DISC1: variants seen among roughly 807,000 people sequenced by gnomAD.
DISC1 encodes disrupted in schizophrenia 1 protein.
In DISC1, 57 loss-of-function variants were observed where a neutral mutation model predicts 84.5. The ratio of observed to expected loss-of-function variants is 0.67; its 90% CI spans 0.55 to 0.84. The LOEUF (loss-of-function observed/expected upper bound fraction) is 0.84, where lower values mean the gene tolerates loss of function less well. Ranked by LOEUF, DISC1 falls within the 40% of genes least tolerant of loss-of-function variation. The pLI is 0.00. For synonymous variants in DISC1, 411 were observed against 415.2 expected, an observed-to-expected ratio of 0.99 and a Z score of 0.12; for missense variants, 1,000 against 1,057.8, an observed-to-expected ratio of 0.95 and a Z score of 0.76.
rs1429278913 is a variant in DISC1, at chr1:231,905,814, T to C, written c.1982-53014T>C. On this transcript the variant is annotated intron_variant, in intron 9 of 12. Transcript: ENST00000439617. ...ATTCGATGGTAGTAGTCTATCATTA[T>C]TGATTTCCTGATTTTGATGGTTATA... 5.9e-5 allele frequency among the ~76,000 whole-genome samples: 9 copies of C among 152,198 alleles called. 1 individual carries two copies. The highest frequency in any genetic ancestry group is 4.4e-5 in the Non-Finnish European group (3 of 68,024).
At chr1:231,746,898 T>C (rs1284169522) in intron 3 of DISC1, among the ~76,000 whole-genome samples, 2 of 152,172 alleles carry the variant, frequency 1.3e-5, no homozygotes, top group African/African-American at 2.4e-5. Context: ...TCTCCCATTC[T>C]GTAGGTTGTC....
chr1:231,634,406 C>G (rs977452126), intron 1 of DISC1, among the ~76,000 whole-genome samples: 2 of 152,070 alleles, frequency 1.3e-5, no homozygotes, highest in African/African-American at 4.8e-5. Context: ...CTTAGAGTTG[C>G]AAGAGCTGTT....
At chr1:231,696,525 A>G (rs1020111664) in intron 2 of DISC1, among the ~76,000 whole-genome samples, 4 of 152,228 alleles carry the variant, frequency 2.6e-5, no homozygotes, top group Non-Finnish European at 5.9e-5. Context: ...ATTGTTGTCT[A>G]TGGCAGTCCC....
intron 1 of DISC1, among the ~76,000 whole-genome samples, chr1:231,633,767 G>A (rs1015952521): frequency 2.0e-5 from 3 of 152,130 alleles, no homozygotes; most frequent in Admixed American, 6.5e-5. Context: ...TTCACAGGTT[G>A]AAAGGTGAAA....
intron 4 of DISC1, among the ~76,000 whole-genome samples, chr1:231,754,730 T>TAC (rs918242776): frequency 5.3e-5 from 8 of 152,374 alleles, no homozygotes; most frequent in Admixed American, 5.2e-4. Context: ...TATATTAGGT[T>TAC]ACACCATAAG....
At chr1:231,993,877 T>C (rs753200024) in intron 10 of DISC1, among the ~76,000 whole-genome samples, 2 of 152,246 alleles carry the variant, frequency 1.3e-5, no homozygotes, top group Non-Finnish European at 2.9e-5. Context: ...TTGCTGGTGG[T>C]GTTCTCTTTC....
rs367627719 is a variant in DISC1 at position 231,693,921 on chromosome 1, G to C, written c.163G>C (p.Gly55Arg). ...GAGAAGCTCGACAGGGCCTGGGATC[G>C]GGTTCCTTTCCCCAGCAGTGGGCAC... The part of the protein sequence containing the change: ...YMRSSTGPGI[G>R]FLSPAVGTLF... The change falls in exon 2 of 13, where the codon GGG (glycine) becomes CGG (arginine). Residue 55 changes from glycine (G) to arginine (R), a missense_variant. Physicochemically the swap from Gly to Arg is moderately radical, Grantham distance 125 (BLOSUM62 -2). Coordinates refer to ENST00000439617, the MANE Select transcript of DISC1 (RefSeq NM_018662.3). 1.2e-6 allele frequency: 2 copies of C among 1,614,188 alleles called. No individual in the cohort carries two copies. The highest frequency in any genetic ancestry group is 2.2e-5 in the East Asian group (1 of 44,880).
intron 4 of DISC1, among the ~76,000 whole-genome samples, chr1:231,759,569 G>A (rs563347681): frequency 1.6e-4 from 24 of 147,480 alleles, no homozygotes; most frequent in African/African-American, 2.7e-4. Context: ...AGCCAAATGC[G>A]GTGGTGCGTA....
At chr1:232,008,671 GTCA>G in intron 10 of DISC1, 111 bp from the exon 11 acceptor site, 1 of 1,247,200 alleles carries the variant, frequency 8.0e-7, no homozygotes, top group South Asian at 1.7e-5. Flanking sequence ...GTGAAATTAA[GTCA>G]TCAAGTATAA....
chr1:231,820,139 T>A (rs1055994496), intron 9 of DISC1, among the ~76,000 whole-genome samples: 1 of 152,226 alleles, frequency 6.6e-6, no homozygotes, highest in Non-Finnish European at 1.5e-5. Context: ...AGCCACCCTT[T>A]CCCTATACAT....
Position 231,694,880 on chromosome 1 carries a change from G to A in DISC1, c.1047+75G>A, listed in dbSNP as rs183070884. 100 of 1,568,740 alleles carry A rather than the reference G, an allele frequency of 6.4e-5. No individual in the cohort carries two copies. In the East Asian group the frequency reaches 1.2e-3, roughly 19 times the overall value. ...TAGCACTGGGCAGACGGCAGGAAAC[G>A]AGGGGTTCTGGGCTCAACTGACTTC... On this transcript the variant is annotated intron_variant, in intron 2 of 12. Transcript: ENST00000439617.
At chr1:231,852,602 G>A (rs540908453) in intron 9 of DISC1, among the ~76,000 whole-genome samples, 2 of 152,366 alleles carry the variant, frequency 1.3e-5, no homozygotes, top group South Asian at 4.1e-4. Flanking sequence ...AGTCAGGGCA[G>A]GAGTGGCTAA....
At chr1:231,660,692 T>C (rs949681950) in intron 1 of DISC1, among the ~76,000 whole-genome samples, 6 of 152,126 alleles carry the variant, frequency 3.9e-5, no homozygotes, top group African/African-American at 1.4e-4. Flanking sequence ...TGACCTCAGG[T>C]GATTTGCCTG....
At chr1:231,904,522 A>G (rs1338599669) in intron 9 of DISC1, among the ~76,000 whole-genome samples, 4 of 152,202 alleles carry the variant, frequency 2.6e-5, no homozygotes, top group Admixed American at 2.6e-4. Context: ...CTGTGTTATG[A>G]GAGTAAAACT....
chr1:232,035,976 C>G (rs938640969), intron 12 of DISC1, among the ~76,000 whole-genome samples: 4 of 152,078 alleles, frequency 2.6e-5, no homozygotes, highest in Admixed American at 6.6e-5. Context: ...AACTAAGAGC[C>G]CAACAGCTTA....
intron 9 of DISC1, among the ~76,000 whole-genome samples, chr1:231,906,220 C>G (rs2088626863): frequency 6.6e-6 from 1 of 152,052 alleles, no homozygotes; most frequent in African/African-American, 2.4e-5. Context: ...TGGGGTCTCT[C>G]CATGTTGGTC....
intron 9 of DISC1, among the ~76,000 whole-genome samples, chr1:231,935,260 C>T (rs1264466830): frequency 6.6e-6 from 1 of 152,146 alleles, no homozygotes; most frequent in Non-Finnish European, 1.5e-5. Flanking sequence ...CCGCATTTTT[C>T]AGCACGGATT....
chr1:231,809,167 T>G (rs926971809), intron 8 of DISC1, among the ~76,000 whole-genome samples: 1 of 152,214 alleles, frequency 6.6e-6, no homozygotes, highest in East Asian at 1.9e-4. Context: ...CTCTCGCCAC[T>G]GGCTTGAGCC....
At chr1:231,942,434 C>A (rs977783951) in intron 9 of DISC1, among the ~76,000 whole-genome samples, 1 of 152,146 alleles carries the variant, frequency 6.6e-6, no homozygotes, top group African/African-American at 2.4e-5. Context: ...GAGGCCAAGG[C>A]GGGCAGATTT....
Sources: allele counts gnomAD v4.1 joint callset (sites outside exome capture counted in the v4.1 genomes callset), GRCh38; gene constraint gnomAD v4.1.1; transcripts MANE v1.5; gene names NCBI Gene and HGNC (gene_info 2026-07-23, HGNC 2026-07-21).